RBFOX1: variants seen among roughly 807,000 people sequenced by gnomAD.
RBFOX1 encodes the protein RNA binding fox-1 homolog 1, also known as RNA binding protein fox-1 homolog 1.
A neutral mutation model predicts 57.7 loss-of-function variants in RBFOX1; 8 were observed. That is an observed-to-expected ratio of 0.14 (90% CI 0.08 to 0.25). The LOEUF is 0.25. Among genes scored for constraint, RBFOX1 ranks in the 10% least tolerant of loss-of-function variants. The probability of loss-of-function intolerance (pLI) is 1.00; values close to 1 mark genes in which losing one functional copy is unlikely to be tolerated. For missense variants in RBFOX1, 611 were observed against 548.5 expected (o/e 1.11, Z -1.14); for synonymous variants, 326 against 222.4 (o/e 1.47, Z -4.15).
chr16:7,358,214 G>A (rs74010655), intron 4 of RBFOX1, among the ~76,000 whole-genome samples: 14,082 of 152,254 alleles, frequency 0.092, 752 homozygotes, highest in Non-Finnish European at 0.1. Flanking sequence ...ATAAACCTTT[G>A]AAAGAATACA....
intron 2 of RBFOX1, among the ~76,000 whole-genome samples, chr16:6,318,210 G>A (rs767333806): frequency 6.6e-6 from 1 of 152,174 alleles, no homozygotes; most frequent in African/African-American, 2.4e-5. Context: ...ATCAGCTAAC[G>A]CTTGTATCTC....
chr16:5,823,482 A>G (rs116465976), intron 3 of RBFOX1, among the ~76,000 whole-genome samples: 2,247 of 152,244 alleles, frequency 0.015, 55 homozygotes, highest in African/African-American at 0.05. Flanking sequence ...ACTGCCCTCT[A>G]TGGCTGGGGT....
intron 1 of RBFOX1, among the ~76,000 whole-genome samples, chr16:5,267,595 G>C (rs1205406596): frequency 3.9e-5 from 6 of 152,060 alleles, no homozygotes; most frequent in Non-Finnish European, 8.8e-5. Context: ...ACTGTGCCTG[G>C]GCCCACACAT....
chr16:7,099,701 C>G (rs1187689798), intron 4 of RBFOX1, among the ~76,000 whole-genome samples: 1 of 152,070 alleles, frequency 6.6e-6, no homozygotes, highest in Non-Finnish European at 1.5e-5. Context: ...TGCATTGGTT[C>G]TACCTGGAAG....
At chr16:5,652,580 A>G (rs997420812) in intron 3 of RBFOX1, among the ~76,000 whole-genome samples, 1 of 152,088 alleles carries the variant, frequency 6.6e-6, no homozygotes, top group African/African-American at 2.4e-5. Context: ...CCAGACCTCC[A>G]CTCCAGAAGT....
intron 2 of RBFOX1, among the ~76,000 whole-genome samples, chr16:5,498,261 G>A (rs114504713): frequency 3.3e-5 from 5 of 152,136 alleles, no homozygotes; most frequent in Non-Finnish European, 7.3e-5. Context: ...TCCTGCTTCA[G>A]CTTCTCAACG....
intron 1 of RBFOX1, among the ~76,000 whole-genome samples, chr16:6,158,937 C>G (rs1233161403): frequency 6.6e-6 from 1 of 150,954 alleles, no homozygotes; most frequent in African/African-American, 2.4e-5. Context: ...CAGTCTCTCT[C>G]TGTTGCCCAG....
chr16:6,713,738 C>G (rs1042160101), intron 3 of RBFOX1, among the ~76,000 whole-genome samples: 15 of 152,154 alleles, frequency 9.9e-5, no homozygotes, highest in African/African-American at 3.6e-4. Flanking sequence ...CCACATCTAC[C>G]TCCTTAGTTA....
intron 3 of RBFOX1, among the ~76,000 whole-genome samples, chr16:6,893,783 A>G (rs2066093184): frequency 6.6e-6 from 1 of 152,200 alleles, no homozygotes; most frequent in Non-Finnish European, 1.5e-5. Flanking sequence ...GGTGAGAAGT[A>G]TTCTTTCAAG....
intron 1 of RBFOX1, among the ~76,000 whole-genome samples, chr16:6,084,135 C>T (rs564997190): frequency 2.9e-4 from 44 of 152,216 alleles, no homozygotes; most frequent in African/African-American, 9.9e-4. Flanking sequence ...TAATACCTCC[C>T]TCTTAGGGCA....
intron 2 of RBFOX1, among the ~76,000 whole-genome samples, chr16:5,489,690 C>T (rs575698245): frequency 3.3e-5 from 5 of 152,188 alleles, no homozygotes; most frequent in Admixed American, 6.5e-5. Context: ...GTGCCCAGTG[C>T]TTGACGTGAT....
At chr16:7,208,498 G>A (rs563315939) in intron 4 of RBFOX1, among the ~76,000 whole-genome samples, 1 of 152,202 alleles carries the variant, frequency 6.6e-6, no homozygotes, top group South Asian at 2.1e-4. Context: ...TACATAGTGG[G>A]AGGGGAAGCA....
intron 1 of RBFOX1, among the ~76,000 whole-genome samples, chr16:6,314,507 A>G (rs965471428): frequency 6.6e-6 from 1 of 152,192 alleles, no homozygotes; most frequent in Non-Finnish European, 1.5e-5. Context: ...ACCTTCCATG[A>G]GTTCAAATGG....
intron 3 of RBFOX1, among the ~76,000 whole-genome samples, chr16:6,966,737 C>A (rs1052123671): frequency 2.6e-5 from 4 of 151,988 alleles, no homozygotes; most frequent in African/African-American, 9.7e-5. Flanking sequence ...CACTGTAACT[C>A]TGCCTGCCTC....
At chr16:6,637,796 G>T (rs996420564) in intron 2 of RBFOX1, among the ~76,000 whole-genome samples, 1 of 151,772 alleles carries the variant, frequency 6.6e-6, no homozygotes, top group Non-Finnish European at 1.5e-5. Flanking sequence ...AGGAGGGCAG[G>T]ATATTCCATG....
intron 3 of RBFOX1, among the ~76,000 whole-genome samples, chr16:5,739,286 C>T (rs2052691818): frequency 6.6e-6 from 1 of 152,214 alleles, no homozygotes; most frequent in African/African-American, 2.4e-5. Flanking sequence ...AGTGAAACAT[C>T]CCACTTTTAG....
At chr16:6,186,444 G>A (rs2097105720) in intron 1 of RBFOX1, among the ~76,000 whole-genome samples, 1 of 152,114 alleles carries the variant, frequency 6.6e-6, no homozygotes, top group Non-Finnish European at 1.5e-5. Flanking sequence ...GTTCATAAGG[G>A]TCTGTAAAGA....
At chr16:7,055,711 C>G (rs1374806505) in intron 4 of RBFOX1, among the ~76,000 whole-genome samples, 3 of 152,174 alleles carry the variant, frequency 2.0e-5, no homozygotes, top group African/African-American at 7.2e-5. Flanking sequence ...TCATTTGCAG[C>G]ATCAGGCACA....
intron 3 of RBFOX1, among the ~76,000 whole-genome samples, chr16:5,641,139 A>T (rs9930896): frequency 6.6e-6 from 1 of 151,024 alleles, no homozygotes; most frequent in African/African-American, 2.4e-5. Flanking sequence ...CATGCACACC[A>T]TGAATACACA....
Sources: gnomAD v4.1 joint callset for allele counts (sites outside exome capture counted in the v4.1 genomes callset) on GRCh38, gnomAD v4.1.1 for gene constraint, MANE v1.5 for transcripts, NCBI Gene and HGNC (gene_info 2026-07-23, HGNC 2026-07-21) for gene names.